AGBL1: variants seen among roughly 807,000 people sequenced by gnomAD.
AGBL1 encodes AGBL carboxypeptidase 1.
Under a neutral mutation model 118.9 loss-of-function variants are expected in AGBL1, and 130 were observed. The ratio of observed to expected loss-of-function variants is 1.09; its 90% CI spans 0.95 to 1.26. The LOEUF is 1.26. Ranked by LOEUF, AGBL1 falls within the 50% of genes most tolerant of loss-of-function variation. The pLI, the probability that AGBL1 is intolerant of heterozygous loss-of-function variation, is 0.00. For missense variants in AGBL1, 1,584 were observed against 1,298.1 expected (o/e 1.22, Z -3.38); for synonymous variants, 555 against 478.9 (o/e 1.16, Z -2.08).
At chr15:86,877,940 C>T (rs575214238) in intron 22 of AGBL1, among the ~76,000 whole-genome samples, 4 of 152,274 alleles carry the variant, frequency 2.6e-5, no homozygotes, top group South Asian at 2.1e-4. Flanking sequence ...TGTTTTAAAA[C>T]GGAGTTACCC....
At chr15:86,216,321 G>A (rs1336052936) in intron 5 of AGBL1, among the ~76,000 whole-genome samples, 1 of 151,978 alleles carries the variant, frequency 6.6e-6, no homozygotes, top group Admixed American at 6.6e-5. Context: ...AGCAGAATAT[G>A]TATCTTTATC....
chr15:86,417,881 C>T (rs2081719311), intron 18 of AGBL1, among the ~76,000 whole-genome samples: 1 of 152,176 alleles, frequency 6.6e-6, no homozygotes, highest in Non-Finnish European at 1.5e-5. Context: ...AAGACTTAAG[C>T]TCTTTTGATG....
intron 17 of AGBL1, among the ~76,000 whole-genome samples, chr15:86,314,892 T>C (rs1597721061): frequency 6.6e-6 from 1 of 152,238 alleles, no homozygotes; most frequent in East Asian, 1.9e-4. Flanking sequence ...AAACATGGGC[T>C]TGTCATCAGA....
intron 22 of AGBL1, among the ~76,000 whole-genome samples, chr15:86,856,500 A>G (rs2079482833): frequency 6.6e-6 from 1 of 152,180 alleles, no homozygotes; most frequent in Non-Finnish European, 1.5e-5. Context: ...AAGCAATTAT[A>G]TTGCTTATGG....
chr15:86,500,170 T>C (rs1308185366), intron 18 of AGBL1, among the ~76,000 whole-genome samples: 1 of 151,910 alleles, frequency 6.6e-6, no homozygotes, highest in Non-Finnish European at 1.5e-5. Flanking sequence ...GAGGTGGGAC[T>C]TGAGAGCTTT....
At chr15:86,921,110 G>A (rs185065806), downstream of AGBL1, among the ~76,000 whole-genome samples, 1 of 152,288 alleles carries the variant, frequency 6.6e-6, no homozygotes, top group Non-Finnish European at 1.5e-5. Flanking sequence ...ATAAATACGT[G>A]GTGGTTATAC....
chr15:86,824,463 A>G (rs1357834485), intron 22 of AGBL1, among the ~76,000 whole-genome samples: 1 of 152,150 alleles, frequency 6.6e-6, no homozygotes, highest in African/African-American at 2.4e-5. Flanking sequence ...GAGACATACT[A>G]TGTTCATGGA....
intron 17 of AGBL1, chr15:86,296,653 G>A (rs115529291): frequency 1.9e-3 from 282 of 152,270 alleles, no homozygotes; most frequent in African/African-American, 6.2e-3. Flanking sequence ...ATCAACAACC[G>A]ATTAACCCAT....
chr15:86,907,796 G>A lies in AGBL1; in HGVS notation c.*502G>A, dbSNP rs1219721693. On this transcript the variant is annotated 3_prime_UTR_variant, in exon 23 of 23. Coordinates refer to ENST00000614907, the MANE Select transcript of AGBL1 (RefSeq NM_001386094.1). ...CTGAGACTCTGGGGATCCTGGCAGG[G>A]TCTTCAGGTGCTGGGGCTTGAACAT... 2 of 152,174 alleles carry A rather than the reference G, an allele frequency of 1.3e-5. No individual in the cohort carries two copies. Among genetic ancestry groups the A allele is most frequent in the Admixed American group, 6.5e-5 (1 of 15,278 alleles). 9.4% of individuals were successfully genotyped at this position (152,174 alleles called of 1,614,324 possible). A position where few individuals can be genotyped will look rare whatever the true frequency, so the allele number is the denominator to read the frequency against.
At chr15:86,794,210 A>G (rs2078538084) in intron 22 of AGBL1, among the ~76,000 whole-genome samples, 2 of 152,248 alleles carry the variant, frequency 1.3e-5, no homozygotes, top group African/African-American at 2.4e-5. Context: ...ATGTCTATCA[A>G]CTGATGAATG....
At chr15:86,581,271 ATTAGGAATAAAATGACCACTTTTATCT>A (rs1451159031) in intron 21 of AGBL1, among the ~76,000 whole-genome samples, 1 of 152,148 alleles carries the variant, frequency 6.6e-6, no homozygotes, top group African/African-American at 2.4e-5. Context: ...AGGAAGGCAA[ATTAGGAATAAAATGACCACTTTTATCT>A]TAAACGTTTT....
chr15:86,333,451 T>G (rs2080308672), intron 17 of AGBL1, among the ~76,000 whole-genome samples: 1 of 152,180 alleles, frequency 6.6e-6, no homozygotes, highest in African/African-American at 2.4e-5. Flanking sequence ...GATAAATTCC[T>G]GGAAACACAC....
chr15:86,585,185 G>A (rs137905141), intron 21 of AGBL1, among the ~76,000 whole-genome samples: 2 of 151,944 alleles, frequency 1.3e-5, no homozygotes, highest in African/African-American at 4.8e-5. Flanking sequence ...TCTTTCTCTT[G>A]CCTGATTGCT....
At chr15:86,828,440 G>A (rs1014501814) in intron 22 of AGBL1, among the ~76,000 whole-genome samples, 11 of 152,218 alleles carry the variant, frequency 7.2e-5, no homozygotes, top group Middle Eastern at 3.4e-3. Context: ...TGGGCTGGAT[G>A]TAATCATACA....
At chr15:86,856,996 C>A (rs933680176) in intron 22 of AGBL1, among the ~76,000 whole-genome samples, 4 of 152,176 alleles carry the variant, frequency 2.6e-5, no homozygotes, top group Non-Finnish European at 5.9e-5. Flanking sequence ...TCCAGTGGTC[C>A]TACGTCCCAG....
At chr15:86,886,899 G>GT (rs1476028022) in intron 22 of AGBL1, among the ~76,000 whole-genome samples, 1 of 152,114 alleles carries the variant, frequency 6.6e-6, no homozygotes, top group Non-Finnish European at 1.5e-5. Flanking sequence ...TAAAGACGAG[G>GT]TTTTGGAAGC....
rs138307425 is a variant in AGBL1 at position 86,209,222 on chromosome 15, T to A, written c.489-15692T>A. ...CTGTTCTTTTACATTGACTGAGGAG[T>A]GCTTTACTTCCAATTATGTGGTCTA... On this transcript the variant is annotated intron_variant, in intron 5 of 22. Transcript: ENST00000614907. 9.1e-3 allele frequency among the ~76,000 whole-genome samples: 1,379 copies of A among 152,210 alleles called. 50 individuals carry two copies. The highest frequency in any genetic ancestry group is 0.061 in the Admixed American group (932 of 15,274).
Position 86,907,664 on chromosome 15 carries a change from G to A in AGBL1, c.*370G>A, listed in dbSNP as rs1478904545. Reference sequence around the variant, plus strand: ...AGTAGAGGAGTTGGGCTTCTTCTTGGCTTCTCAGCCAGAATTCTAAGTGGT... The same window carrying A: ...AGTAGAGGAGTTGGGCTTCTTCTTGACTTCTCAGCCAGAATTCTAAGTGGT... On this transcript the variant is annotated 3_prime_UTR_variant, in exon 23 of 23. Coordinates refer to ENST00000614907, the MANE Select transcript of AGBL1 (RefSeq NM_001386094.1). 1 of 152,108 alleles carries A rather than the reference G, an allele frequency of 6.6e-6. No individual in the cohort carries two copies. The highest frequency in any genetic ancestry group is 1.5e-5 in the Non-Finnish European group (1 of 68,040). The allele number at this position is 152,108 out of a possible 1,614,324, so 9.4% of individuals were successfully genotyped here.
At chr15:86,464,992 G>A (rs1596147695) in intron 18 of AGBL1, among the ~76,000 whole-genome samples, 1 of 152,070 alleles carries the variant, frequency 6.6e-6, no homozygotes, top group African/African-American at 2.4e-5. Flanking sequence ...ATATCCTGAA[G>A]AGTGTTTTCC....
Sources: allele counts gnomAD v4.1 joint callset (sites outside exome capture counted in the v4.1 genomes callset), GRCh38; gene constraint gnomAD v4.1.1; transcripts MANE v1.5; gene names NCBI Gene and HGNC (gene_info 2026-07-23, HGNC 2026-07-21).